FAM120C: variants seen among roughly 807,000 people sequenced by gnomAD.
FAM120C encodes family with sequence similarity 120 member C.
A neutral mutation model predicts 71.2 loss-of-function variants in FAM120C; 14 were observed. The ratio of observed to expected loss-of-function variants is 0.20; its 90% confidence interval spans 0.13 to 0.31. The LOEUF is 0.31. FAM120C is among the 10% of genes least tolerant of loss of function. The pLI, the probability that FAM120C is intolerant of heterozygous loss-of-function variation, is 1.00. For synonymous variants in FAM120C, 354 were observed against 353.2 expected, an observed-to-expected ratio of 1.00 and a Z score of -0.03; for missense variants, 500 against 879.0, an observed-to-expected ratio of 0.57 and a Z score of 5.45.
At chrX:54,175,301 A>G (rs1557136503) in intron 1 of FAM120C, among the ~76,000 whole-genome samples, 2 of 111,354 alleles carry the variant, frequency 1.8e-5, no homozygotes, top group East Asian at 2.8e-4. Context: ...CGTTGTTCAT[A>G]GTACTTAGCA....
chrX:54,166,757 G>T (rs2056584095), intron 1 of FAM120C, among the ~76,000 whole-genome samples: 1 of 111,332 alleles, frequency 9.0e-6, no homozygotes, highest in Admixed American at 9.6e-5. Flanking sequence ...ATACTTATTT[G>T]CTTTTATATC....
At chrX:54,150,887 G>C (rs189325599) in intron 4 of FAM120C, among the ~76,000 whole-genome samples, 1 of 109,905 alleles carries the variant, frequency 9.1e-6, no homozygotes, top group African/African-American at 3.3e-5. Flanking sequence ...CTAATTTTTT[G>C]TATTTCTAGT....
chrX:54,089,435 C>T (rs1441090320), intron 11 of FAM120C, among the ~76,000 whole-genome samples: 1 of 111,222 alleles, frequency 9.0e-6, no homozygotes, highest in Non-Finnish European at 1.9e-5. Flanking sequence ...TCGTTTAGCA[C>T]GAGCAGTTAT....
At chrX:54,163,035 G>A (rs2067242273) in intron 1 of FAM120C, among the ~76,000 whole-genome samples, 2 of 112,085 alleles carry the variant, frequency 1.8e-5, no homozygotes, top group South Asian at 7.4e-4. Context: ...TGTTGGCAAG[G>A]ATGCAGAGAA....
chrX:54,100,848 T>C (rs1347775879), intron 10 of FAM120C, among the ~76,000 whole-genome samples: 3 of 111,849 alleles, frequency 2.7e-5, no homozygotes, highest in African/African-American at 9.7e-5. Flanking sequence ...CTCAAACTGG[T>C]TGGAATCCAC....
At chrX:54,140,939 C>CAA (rs781968438) in intron 4 of FAM120C, among the ~76,000 whole-genome samples, 5 of 39,157 alleles carry the variant, frequency 1.3e-4, no homozygotes, top group African/African-American at 9.7e-5. Context: ...GACTCCGTCT[C>CAA]AAAAAAAAAA....
At chrX:54,143,932 G>A (rs1460778826) in intron 4 of FAM120C, among the ~76,000 whole-genome samples, 4 of 111,718 alleles carry the variant, frequency 3.6e-5, no homozygotes, top group East Asian at 2.8e-4. Context: ...CTGGCAAACC[G>A]AATCCAGCAG....
At chrX:54,103,149 T>C (rs2146577952) in intron 10 of FAM120C, among the ~76,000 whole-genome samples, 1 of 112,367 alleles carries the variant, frequency 8.9e-6, no homozygotes, top group East Asian at 2.8e-4. Flanking sequence ...ATATTCTTTT[T>C]TTCTAGTTAG....
rs911313769 is a variant in FAM120C, at chrX:54,175,945, T to C, written c.699+6555A>G. ...TACACAAACTAAATATAGGAAAAAA[T>C]GTTCTAGAAAAAGTTATTAAAATAT... is the stretch of plus-strand genomic sequence containing the variant. On this transcript the variant is annotated intron_variant, in intron 1 of 15. Coordinates refer to ENST00000375180, the MANE Select transcript of FAM120C (RefSeq NM_017848.6). Among the ~76,000 whole-genome samples the C allele has an allele frequency of 2.7e-5, 3 of 111,286 alleles. No homozygotes were observed. In the Admixed American group the frequency reaches 2.9e-4, roughly 11 times the overall value.
Position 54,092,409 on chromosome X carries a change from G to A in FAM120C, c.2313-983C>T, listed in dbSNP as rs190952087. On this transcript the variant is annotated intron_variant, in intron 10 of 15. Transcript: ENST00000375180. ...AAATAAAAAAAATTAGCCGGGTGTG[G>A]TGGCGGGCACCTGTAATCCCAGCTA... is the stretch of plus-strand genomic sequence containing the variant. Among the ~76,000 whole-genome samples, 11 of 110,373 alleles carry A rather than the reference G, an allele frequency of 1.0e-4. No individual in the cohort carries two copies. In the East Asian group the frequency reaches 3.1e-3, roughly 31 times the overall value.
intron 4 of FAM120C, among the ~76,000 whole-genome samples, chrX:54,143,013 CT>C (rs1557131877): frequency 8.9e-6 from 1 of 111,800 alleles, no homozygotes; most frequent in African/African-American, 3.3e-5. Context: ...TCCAACAGAC[CT>C]GCAGCTGAGG....
intron 15 of FAM120C, among the ~76,000 whole-genome samples, chrX:54,078,865 A>T (rs1280931395): frequency 9.1e-6 from 1 of 110,350 alleles, no homozygotes; most frequent in Non-Finnish European, 1.9e-5. Context: ...CAAGGCATGG[A>T]TTAGAAGAAA....
At chrX:54,112,985 A>C (rs1557125988) in intron 10 of FAM120C, among the ~76,000 whole-genome samples, 1 of 110,970 alleles carries the variant, frequency 9.0e-6, no homozygotes, top group Non-Finnish European at 1.9e-5. Context: ...ACGCCATTGC[A>C]CTCCAGCCTG....
intron 10 of FAM120C, among the ~76,000 whole-genome samples, chrX:54,103,755 C>T (rs1603354084): frequency 1.0e-5 from 1 of 98,451 alleles, no homozygotes. Context: ...CAAAACACCT[C>T]TTTTTTTTTT....
At chrX:54,134,235 C>G (rs1221935679) in intron 7 of FAM120C, among the ~76,000 whole-genome samples, 189 bp from the exon 8 acceptor site, 1 of 111,701 alleles carries the variant, frequency 9.0e-6, no homozygotes, top group Non-Finnish European at 1.9e-5. Flanking sequence ...TCACCTGACA[C>G]CAACCAAAGT....
At position 54,163,250 on chromosome X, in the gene FAM120C, G is replaced by T. The variant is rs782533880; in HGVS notation, c.700-3634C>A. On this transcript the variant is annotated intron_variant, in intron 1 of 15. Coordinates refer to ENST00000375180, the MANE Select transcript of FAM120C (RefSeq NM_017848.6). ...GTTCACAGCAGGCTTACTCATAATA[G>T]CCCAAAAGTGGAAATAACCCAAATG... 5.0e-3 allele frequency among the ~76,000 whole-genome samples: 560 copies of T among 112,055 alleles called. 2 individuals carry two copies. Among genetic ancestry groups the T allele is most frequent in the African/African-American group, 0.017 (528 of 30,878 alleles).
chrX:54,153,273 T>C lies in FAM120C; in HGVS notation c.1030-1900A>G, dbSNP rs782599755. 1.8e-5 allele frequency among the ~76,000 whole-genome samples: 2 copies of C among 110,197 alleles called. 1 individual carries two copies. Among genetic ancestry groups the C allele is most frequent in the South Asian group, 7.7e-4 (2 of 2,596 alleles). Reference sequence around the variant, plus strand: ...GCTATGAGGGGAAAAGTATTCCAAGTAGGGAGAATGATAAGTGCAAAGGTT... The same window carrying C: ...GCTATGAGGGGAAAAGTATTCCAAGCAGGGAGAATGATAAGTGCAAAGGTT... On this transcript the variant is annotated intron_variant, in intron 3 of 15. Coordinates refer to ENST00000375180, the MANE Select transcript of FAM120C (RefSeq NM_017848.6).
chrX:54,176,237 A>G (rs2067316851), intron 1 of FAM120C, among the ~76,000 whole-genome samples: 1 of 110,925 alleles, frequency 9.0e-6, no homozygotes, highest in Admixed American at 9.6e-5. Context: ...GTTCGAAACC[A>G]GTCTGGCCAA....
chrX:54,089,655 G>A (rs1203880554), intron 11 of FAM120C, among the ~76,000 whole-genome samples: 1 of 111,155 alleles, frequency 9.0e-6, no homozygotes, highest in African/African-American at 3.3e-5. Flanking sequence ...ATTGAGTATT[G>A]TGTATATAAA....
Sources: gnomAD v4.1 joint callset for allele counts (sites outside exome capture counted in the v4.1 genomes callset) on GRCh38, gnomAD v4.1.1 for gene constraint, MANE v1.5 for transcripts, NCBI Gene and HGNC (gene_info 2026-07-23, HGNC 2026-07-21) for gene names.